Variants in RBFOX1 observed in about 807,000 individuals in gnomAD.
RBFOX1 encodes RNA binding protein fox-1 homolog 1.
A neutral mutation model predicts 57.7 loss-of-function variants in RBFOX1; 8 were observed. That is an observed-to-expected ratio of 0.14 (90% confidence interval 0.08 to 0.25). RBFOX1 has a LOEUF of 0.25. Among genes scored for constraint, RBFOX1 ranks in the 10% least tolerant of loss-of-function variants. The probability of loss-of-function intolerance (pLI) is 1.00; values close to 1 mark genes in which losing one functional copy is unlikely to be tolerated. For synonymous variants in RBFOX1, 326 were observed against 222.4 expected (o/e 1.47, Z -4.15); for missense variants, 611 against 548.5 (o/e 1.11, Z -1.14).
intron 4 of RBFOX1, among the ~76,000 whole-genome samples, chr16:5,916,110 G>A (rs1386704640): frequency 6.6e-6 from 1 of 152,078 alleles, no homozygotes; most frequent in Non-Finnish European, 1.5e-5. Context: ...TATCTCAAGT[G>A]CAAATGTAAG....
intron 3 of RBFOX1, among the ~76,000 whole-genome samples, chr16:6,794,863 C>A (rs560979934): frequency 1.3e-5 from 2 of 151,894 alleles, no homozygotes; most frequent in East Asian, 1.9e-4. Flanking sequence ...GGGCTTTTTT[C>A]CCCCTATGAA....
At chr16:6,430,665 G>T (rs1232133879) in intron 2 of RBFOX1, among the ~76,000 whole-genome samples, 1 of 152,076 alleles carries the variant, frequency 6.6e-6, no homozygotes, top group Admixed American at 6.6e-5. Flanking sequence ...GAGCGGGATG[G>T]TCACATAGGC....
intron 3 of RBFOX1, among the ~76,000 whole-genome samples, chr16:6,671,152 G>A (rs1568143275): frequency 6.6e-6 from 1 of 152,156 alleles, no homozygotes; most frequent in Non-Finnish European, 1.5e-5. Flanking sequence ...CCAGTCGAAT[G>A]GAAACAAAAG....
chr16:7,642,201 C>G (rs1316584324), intron 11 of RBFOX1, among the ~76,000 whole-genome samples: 1 of 152,138 alleles, frequency 6.6e-6, no homozygotes. Context: ...GTTCCTTAGT[C>G]TATTCTATAT....
chr16:6,965,123 C>G (rs2083831744), intron 3 of RBFOX1, among the ~76,000 whole-genome samples: 1 of 151,956 alleles, frequency 6.6e-6, no homozygotes, highest in Non-Finnish European at 1.5e-5. Context: ...TAGACTCTGC[C>G]TCCATGGTTC....
intron 3 of RBFOX1, among the ~76,000 whole-genome samples, chr16:6,957,361 G>T (rs531414945): frequency 1.4e-4 from 22 of 151,900 alleles, no homozygotes; most frequent in African/African-American, 4.8e-4. Flanking sequence ...TCGATCTCCT[G>T]ACTTCGTGAT....
chr16:6,878,001 T>C (rs756386836), intron 3 of RBFOX1, among the ~76,000 whole-genome samples: 1 of 152,034 alleles, frequency 6.6e-6, no homozygotes, highest in Non-Finnish European at 1.5e-5. Context: ...TGCTTAAGCA[T>C]ATAGGAGGAA....
chr16:7,593,244 C>T (rs983102683), intron 7 of RBFOX1, among the ~76,000 whole-genome samples: 3 of 152,134 alleles, frequency 2.0e-5, no homozygotes, highest in African/African-American at 7.2e-5. Context: ...CCAGTGGATA[C>T]AAAGCAAGGC....
intron 3 of RBFOX1, among the ~76,000 whole-genome samples, chr16:5,845,619 A>G (rs900685948): frequency 6.6e-6 from 1 of 152,194 alleles, no homozygotes; most frequent in African/African-American, 2.4e-5. Context: ...GTTATTCCCC[A>G]TAACTGTGCT....
At chr16:7,022,693 A>AG in intron 3 of RBFOX1, among the ~76,000 whole-genome samples, 1 of 152,192 alleles carries the variant, frequency 6.6e-6, no homozygotes, top group East Asian at 1.9e-4. Flanking sequence ...GCAGAAAAAG[A>AG]GAAAAAAAGG....
intron 4 of RBFOX1, among the ~76,000 whole-genome samples, chr16:7,491,220 A>T (rs866734545): frequency 6.6e-6 from 1 of 152,006 alleles, no homozygotes; most frequent in Non-Finnish European, 1.5e-5. Context: ...GCATTGCCAC[A>T]TCCCTTTTTC....
chr16:6,916,691 C>T (rs538633725), intron 3 of RBFOX1, among the ~76,000 whole-genome samples: 152 of 152,132 alleles, frequency 1.0e-3, no homozygotes, highest in Non-Finnish European at 1.6e-3. Flanking sequence ...TCTCATTGGC[C>T]GCAGTTATGC....
chr16:5,787,044 G>C (rs866595384), intron 3 of RBFOX1, among the ~76,000 whole-genome samples: 11 of 152,206 alleles, frequency 7.2e-5, no homozygotes, highest in South Asian at 2.1e-4. Flanking sequence ...GCTGAGGCAG[G>C]AGAATTGCTT....
intron 11 of RBFOX1, among the ~76,000 whole-genome samples, chr16:7,653,081 ACATT>A (rs1392711536): frequency 6.6e-6 from 1 of 152,254 alleles, no homozygotes; most frequent in African/African-American, 2.4e-5. Context: ...ATACATGCAC[ACATT>A]CATACACATG....
At position 7,488,127 on chromosome 16, in the gene RBFOX1, C is replaced by T. The variant is rs542483631; in HGVS notation, c.28-30020C>T. 2.0e-5 allele frequency among the ~76,000 whole-genome samples: 3 copies of T among 152,100 alleles called. No homozygotes were observed. The East Asian group carries it at 5.8e-4, about 29-fold the overall frequency. On this transcript the variant is annotated intron_variant, in intron 4 of 15. Coordinates refer to ENST00000550418, the MANE Select transcript of RBFOX1 (RefSeq NM_018723.4). ...CAGGCTGGAGTGCTAATCCTCTTGC[C>T]GTGCTAGTGTGTCCCTGCGTGATTG...
chr16:7,335,756 A>G (rs8047477), intron 4 of RBFOX1, among the ~76,000 whole-genome samples: 4,649 of 152,252 alleles, frequency 0.031, 189 homozygotes, highest in African/African-American at 0.092. Context: ...ATTGATAGTT[A>G]TCATCTGCCC....
chr16:7,232,276 A>G (rs945355733), intron 4 of RBFOX1, among the ~76,000 whole-genome samples: 1 of 152,162 alleles, frequency 6.6e-6, no homozygotes, highest in Non-Finnish European at 1.5e-5. Context: ...TTAAATGGTT[A>G]ACAACCACCA....
chr16:7,158,043 A>C (rs1377742070), intron 4 of RBFOX1, among the ~76,000 whole-genome samples: 1 of 152,172 alleles, frequency 6.6e-6, no homozygotes, highest in African/African-American at 2.4e-5. Context: ...ATCCAATAGT[A>C]ACATCTTGAA....
At chr16:5,315,252 G>A (rs1055319037) in intron 1 of RBFOX1, among the ~76,000 whole-genome samples, 2 of 152,196 alleles carry the variant, frequency 1.3e-5, no homozygotes, top group African/African-American at 4.8e-5. Flanking sequence ...GTGGGACGGG[G>A]GAGGAGGCCG....
Sources: gnomAD v4.1 joint callset for allele counts (sites outside exome capture counted in the v4.1 genomes callset) on GRCh38, gnomAD v4.1.1 for gene constraint, MANE v1.5 for transcripts, NCBI Gene and HGNC (gene_info 2026-07-23, HGNC 2026-07-21) for gene names.